Variants in EPHA3 observed in about 807,000 individuals in gnomAD.
EPHA3 encodes the protein EPH receptor A3.
A neutral mutation model predicts 107.1 loss-of-function variants in EPHA3; 42 were observed. The observed-to-expected ratio is 0.39, with a 90% CI of 0.31 to 0.51. EPHA3 has a LOEUF of 0.51. EPHA3 is among the 20% of genes least tolerant of loss of function. EPHA3 has a pLI of 0.78. For synonymous variants in EPHA3, 461 were observed against 424.8 expected, an observed-to-expected ratio of 1.09 and a Z score of -1.05; for missense variants, 1,183 against 1,211.2, an observed-to-expected ratio of 0.98 and a Z score of 0.35.
intron 2 of EPHA3, among the ~76,000 whole-genome samples, chr3:89,152,431 T>G (rs1704709192): frequency 6.6e-6 from 1 of 152,020 alleles, no homozygotes; most frequent in Non-Finnish European, 1.5e-5. Flanking sequence ...TAACTTAGGG[T>G]CAAGACCATT....
rs1228693649 is a variant in EPHA3 at position 89,357,538 on chromosome 3, G to T, written c.1306+15448G>T. On this transcript the variant is annotated intron_variant, in intron 5 of 16. Transcript: ENST00000336596. ...TTGTGGGCAAAGTTCGTCTATCTTT[G>T]TCCACCTAAGGAGGGCAATTGGGTA... Among the ~76,000 whole-genome samples, 5 of 151,056 alleles carry T rather than the reference G, an allele frequency of 3.3e-5. 1 individual carries two copies. Among genetic ancestry groups the T allele is most frequent in the Admixed American group, 2.0e-4 (3 of 15,086 alleles).
In EPHA3 at chr3:89,449,134, A is replaced by G. The variant is rs959559362; in HGVS notation, c.2347-91A>G. 8 of 1,222,178 alleles carry G rather than the reference A, an allele frequency of 6.5e-6. No individual in the cohort carries two copies. The African/African-American group carries it at 7.7e-5, about 12-fold the overall frequency. The allele number at this position is 1,222,178 out of a possible 1,614,324, so 75.7% of individuals were successfully genotyped here. A position where few individuals can be genotyped will look rare whatever the true frequency, so the allele number is the denominator to read the frequency against. ...TATTCCATTTCAGAACAGAAATACTATGAGAAATTCTGTCCGGTTTCAGAT... is the reference window on the plus strand; with the variant it reads ...TATTCCATTTCAGAACAGAAATACTGTGAGAAATTCTGTCCGGTTTCAGAT... On this transcript the variant is annotated intron_variant, in intron 13 of 16. Coordinates refer to ENST00000336596, the MANE Select transcript of EPHA3 (RefSeq NM_005233.6).
chr3:89,332,318 T>C (rs909919597), intron 3 of EPHA3, among the ~76,000 whole-genome samples: 4 of 152,234 alleles, frequency 2.6e-5, no homozygotes, highest in African/African-American at 9.6e-5. Context: ...TACTGGCACC[T>C]GTCTTACTAA....
chr3:89,301,128 A>G (rs1706477853), intron 3 of EPHA3, among the ~76,000 whole-genome samples: 1 of 152,128 alleles, frequency 6.6e-6, no homozygotes, highest in Non-Finnish European at 1.5e-5. Flanking sequence ...AAGAAATACC[A>G]TTTAGGGTTA....
intron 3 of EPHA3, among the ~76,000 whole-genome samples, chr3:89,213,094 G>T (rs1367799162): frequency 6.6e-6 from 1 of 151,922 alleles, no homozygotes; most frequent in Non-Finnish European, 1.5e-5. Flanking sequence ...AGGCGCTAGA[G>T]AAAATTGAAA....
chr3:89,227,361 G>A (rs1704526006), intron 3 of EPHA3, among the ~76,000 whole-genome samples: 2 of 151,974 alleles, frequency 1.3e-5, no homozygotes, highest in Admixed American at 6.6e-5. Context: ...GACGTGGGAT[G>A]TAGTCCTGTT....
At chr3:89,307,336 C>A (rs1706647729) in intron 3 of EPHA3, among the ~76,000 whole-genome samples, 1 of 151,896 alleles carries the variant, frequency 6.6e-6, no homozygotes, top group East Asian at 1.9e-4. Flanking sequence ...AGTTGCTAAA[C>A]CTAATAAGGA....
rs1400426073 is a variant in EPHA3, at chr3:89,209,906, C to T, written c.200C>T (p.Thr67Ile). The change falls in exon 3 of 17, where the codon ACT becomes ATT. Residue 67 changes from threonine to isoleucine, a missense_variant. Coordinates refer to ENST00000336596, the MANE Select transcript of EPHA3 (RefSeq NM_005233.6). ...GVDEHYTPIR[T>I]YQVCNVMDHS... is the part of the protein sequence containing the mutation. ...GATGAACATTACACACCCATCAGGACTTACCAGGTGTGCAATGTCATGGAC... is the reference window on the plus strand; with the variant it reads ...GATGAACATTACACACCCATCAGGATTTACCAGGTGTGCAATGTCATGGAC... The T allele has an allele frequency of 6.2e-7, 1 of 1,612,874 alleles. No homozygotes were observed. The highest frequency in any genetic ancestry group is 1.3e-5 in the African/African-American group (1 of 74,918).
intron 3 of EPHA3, among the ~76,000 whole-genome samples, chr3:89,325,440 C>A (rs186677316): frequency 6.6e-6 from 1 of 152,104 alleles, no homozygotes; most frequent in African/African-American, 2.4e-5. Context: ...GTACCTCATG[C>A]GTGAAACCTT....
At chr3:89,476,546 T>C (rs1710511277) in intron 16 of EPHA3, among the ~76,000 whole-genome samples, 1 of 148,040 alleles carries the variant, frequency 6.8e-6, no homozygotes, top group African/African-American at 2.5e-5. Flanking sequence ...TCATATAATA[T>C]AAATATTATA....
At chr3:89,350,322 A>G (rs1229933079) in intron 5 of EPHA3, among the ~76,000 whole-genome samples, 1 of 132,062 alleles carries the variant, frequency 7.6e-6, no homozygotes, top group Non-Finnish European at 1.7e-5. Context: ...ATTTCTTTTT[A>G]TTCTTTTTTC....
intron 3 of EPHA3, among the ~76,000 whole-genome samples, chr3:89,289,104 A>G (rs1212670414): frequency 6.6e-6 from 1 of 152,154 alleles, no homozygotes; most frequent in Non-Finnish European, 1.5e-5. Context: ...CCTGGATTTT[A>G]CAAGCTAAGG....
intron 2 of EPHA3, among the ~76,000 whole-genome samples, chr3:89,195,144 CT>C (rs1705808645): frequency 6.6e-6 from 1 of 151,672 alleles, no homozygotes; most frequent in Non-Finnish European, 1.5e-5. Flanking sequence ...TCCATTTCAA[CT>C]TTTGAAAACA....
intron 5 of EPHA3, among the ~76,000 whole-genome samples, chr3:89,382,403 G>A (rs145749732): frequency 0.016 from 2,402 of 151,818 alleles, 62 homozygotes; most frequent in African/African-American, 0.055. Context: ...AGCTACTTGG[G>A]AGGCTGAGGC....
At chr3:89,243,174 T>C (rs989359012) in intron 3 of EPHA3, among the ~76,000 whole-genome samples, 3 of 152,130 alleles carry the variant, frequency 2.0e-5, no homozygotes, top group African/African-American at 7.2e-5. Context: ...TTTGGGTTGG[T>C]TCCAAGTCTT....
intron 2 of EPHA3, among the ~76,000 whole-genome samples, chr3:89,182,233 C>T (rs981975053): frequency 3.3e-5 from 5 of 151,810 alleles, no homozygotes; most frequent in African/African-American, 7.3e-5. Flanking sequence ...CTTTATAGCC[C>T]CAACCATGCC....
At chr3:89,452,777 C>G (rs1576386330) in intron 15 of EPHA3, among the ~76,000 whole-genome samples, 1 of 152,252 alleles carries the variant, frequency 6.6e-6, no homozygotes, top group Non-Finnish European at 1.5e-5. Context: ...AGACCAGTGT[C>G]ATAGAGCTTT....
chr3:89,127,678 C>T (rs1387307714), intron 2 of EPHA3, among the ~76,000 whole-genome samples: 1 of 151,926 alleles, frequency 6.6e-6, no homozygotes, highest in Non-Finnish European at 1.5e-5. Flanking sequence ...TCAGTAACTG[C>T]TCTTCCAAGT....
intron 13 of EPHA3, among the ~76,000 whole-genome samples, chr3:89,448,512 A>T (rs1709923365): frequency 6.6e-6 from 1 of 152,174 alleles, no homozygotes; most frequent in Non-Finnish European, 1.5e-5. Flanking sequence ...AATTCCATAG[A>T]CATTACACTT....
Sources: allele counts gnomAD v4.1 joint callset (sites outside exome capture counted in the v4.1 genomes callset), GRCh38; gene constraint gnomAD v4.1.1; transcripts MANE v1.5; gene names NCBI Gene and HGNC (gene_info 2026-07-23, HGNC 2026-07-21).